The following TMEM163 variants were observed in gnomAD, a reference collection of about 807,000 sequenced individuals.
TMEM163 encodes the protein transmembrane protein 163.
A neutral mutation model predicts 29.3 loss-of-function variants in TMEM163; 17 were observed. The ratio of observed to expected loss-of-function variants is 0.58; its 90% confidence interval spans 0.40 to 0.87. TMEM163 has a LOEUF of 0.87. Among genes scored for constraint, TMEM163 ranks in the 40% least tolerant of loss-of-function variants. The pLI is 0.00. For missense variants in TMEM163, 303 were observed against 381.5 expected (o/e 0.79, Z 1.71); for synonymous variants, 157 against 160.6 (o/e 0.98, Z 0.17).
intron 2 of TMEM163, among the ~76,000 whole-genome samples, chr2:134,579,794 G>A (rs1574253448): frequency 6.6e-6 from 1 of 152,172 alleles, no homozygotes; most frequent in African/African-American, 2.4e-5. Flanking sequence ...ACAAAGTTGT[G>A]AAAATTAAAA....
At chr2:134,459,824 G>A (rs1451121001) in intron 6 of TMEM163, among the ~76,000 whole-genome samples, 1 of 150,670 alleles carries the variant, frequency 6.6e-6, no homozygotes, top group Non-Finnish European at 1.5e-5. Context: ...TCTGTCCTCT[G>A]AGCTGGCCCT....
At chr2:134,695,086 A>T (rs929700092) in intron 2 of TMEM163, among the ~76,000 whole-genome samples, 3 of 151,908 alleles carry the variant, frequency 2.0e-5, no homozygotes, top group Admixed American at 6.6e-5. Flanking sequence ...GGAAAAAAAA[A>T]TTTTTTTTGA....
At chr2:134,710,979 A>G (rs1211948483) in intron 2 of TMEM163, among the ~76,000 whole-genome samples, 1 of 152,182 alleles carries the variant, frequency 6.6e-6, no homozygotes, top group Non-Finnish European at 1.5e-5. Flanking sequence ...CGTTTCATCC[A>G]TCTGTTAACT....
chr2:134,696,141 C>T (rs1318122465), intron 2 of TMEM163, among the ~76,000 whole-genome samples: 1 of 151,540 alleles, frequency 6.6e-6, no homozygotes, highest in Non-Finnish European at 1.5e-5. Flanking sequence ...GTGGGAGGTA[C>T]AAACTTATTT....
At chr2:134,533,401 A>G (rs1680457371) in intron 4 of TMEM163, among the ~76,000 whole-genome samples, 1 of 152,212 alleles carries the variant, frequency 6.6e-6, no homozygotes, top group Non-Finnish European at 1.5e-5. Flanking sequence ...TGTGCATCAC[A>G]CTTTATTTGC....
chr2:134,518,652 G>A (rs1404070061), intron 4 of TMEM163, among the ~76,000 whole-genome samples: 1 of 152,080 alleles, frequency 6.6e-6, no homozygotes, highest in Non-Finnish European at 1.5e-5. Context: ...GTACTTTCTA[G>A]CACGGTCCCA....
chr2:134,595,055 T>C (rs1193433187), intron 2 of TMEM163, among the ~76,000 whole-genome samples: 1 of 152,070 alleles, frequency 6.6e-6, no homozygotes, highest in Non-Finnish European at 1.5e-5. Flanking sequence ...TGCAAGTGTA[T>C]GATCAATTAT....
chr2:134,673,074 C>T (rs1188435889), intron 2 of TMEM163, among the ~76,000 whole-genome samples: 2 of 152,152 alleles, frequency 1.3e-5, no homozygotes, highest in Non-Finnish European at 2.9e-5. Flanking sequence ...GGCTCATAAA[C>T]CCCATTGTTA....
At chr2:134,509,423 C>A (rs986076880) in intron 4 of TMEM163, among the ~76,000 whole-genome samples, 1 of 152,208 alleles carries the variant, frequency 6.6e-6, no homozygotes, top group African/African-American at 2.4e-5. Context: ...TATGTGAAGG[C>A]ACATCAGGCC....
intron 4 of TMEM163, among the ~76,000 whole-genome samples, chr2:134,543,025 T>C (rs1574223155): frequency 6.6e-6 from 1 of 152,364 alleles, no homozygotes; most frequent in Non-Finnish European, 1.5e-5. Flanking sequence ...TTCACTTGTT[T>C]ACATCTGCAA....
At chr2:134,600,191 A>G (rs890841751) in intron 2 of TMEM163, among the ~76,000 whole-genome samples, 3 of 152,242 alleles carry the variant, frequency 2.0e-5, no homozygotes, top group Non-Finnish European at 4.4e-5. Flanking sequence ...GCTCAGTGAC[A>G]TGAGGTCTAT....
Position 134,718,773 on chromosome 2 carries a change from T to C in TMEM163, c.163A>G (p.Ser55Gly). The C allele has an allele frequency of 5.2e-6, 6 of 1,153,368 alleles. No individual in the cohort carries two copies. The highest frequency in any genetic ancestry group is 6.4e-6 in the Non-Finnish European group (6 of 937,780). 71.4% of individuals were successfully genotyped at this position (1,153,368 alleles called of 1,614,324 possible). The change falls in exon 1 of 8, where the codon AGC (serine) becomes GGC (glycine). Residue 55 changes from serine (S) to glycine (G), a missense_variant. By Grantham distance (56) the Ser-to-Gly change is moderately conservative. Transcript: ENST00000281924. ...CCGTCGCTGAACTGGCCGCTCTCGC[T>C]GATCCGCACCTGCCGCTCCTCCTCC... ...QLEEERQVRI[S>G]ESGQFSDGLE...
In TMEM163 at chr2:134,456,545, A is replaced by T. The variant is rs1185781878; in HGVS notation, c.*171T>A. 13 of 701,224 alleles carry T rather than the reference A, an allele frequency of 1.9e-5. No homozygotes were observed. Among genetic ancestry groups the T allele is most frequent in the Non-Finnish European group, 3.0e-5 (12 of 406,140 alleles). 43.4% of individuals were successfully genotyped at this position (701,224 alleles called of 1,614,324 possible). On this transcript the variant is annotated 3_prime_UTR_variant, in exon 8 of 8. Coordinates refer to ENST00000281924, the MANE Select transcript of TMEM163 (RefSeq NM_030923.5). The stretch of plus-strand genomic sequence containing the variant: ...TCCCAACATGTTTGATGGGGGCGGC[A>T]GGTGATGGGGGCAAGGTAGATCCAC...
intron 2 of TMEM163, among the ~76,000 whole-genome samples, chr2:134,614,011 A>G (rs1212926297): frequency 6.6e-6 from 1 of 152,158 alleles, no homozygotes; most frequent in African/African-American, 2.4e-5. Flanking sequence ...AAATGTCCCA[A>G]TAGCCAAAAC....
chr2:134,463,103 C>T (rs748980425), intron 6 of TMEM163, among the ~76,000 whole-genome samples: 8 of 152,254 alleles, frequency 5.3e-5, no homozygotes, highest in Non-Finnish European at 1.0e-4. Flanking sequence ...GCCCTTCCCT[C>T]CTGTTCCAGG....
At chr2:134,697,975 A>G (rs1684617666) in intron 2 of TMEM163, among the ~76,000 whole-genome samples, 2 of 152,206 alleles carry the variant, frequency 1.3e-5, no homozygotes, top group African/African-American at 2.4e-5. Context: ...AATGGAGTGC[A>G]TGAGATTGGG....
rs112190600 is a variant in TMEM163 at position 134,711,808 on chromosome 2, C to A, written c.322+1392G>T. On this transcript the variant is annotated intron_variant, in intron 2 of 7. Coordinates refer to ENST00000281924, the MANE Select transcript of TMEM163 (RefSeq NM_030923.5). ...ATTCAGGTCCTCATTCAAACATCCA[C>A]GTGACAAATCAAAACAGCTTTATCA... 3.3e-5 allele frequency among the ~76,000 whole-genome samples: 5 copies of A among 152,294 alleles called. No individual in the cohort carries two copies. In the South Asian group the frequency reaches 6.2e-4, roughly 19 times the overall value.
intron 2 of TMEM163, among the ~76,000 whole-genome samples, chr2:134,668,606 CAA>C (rs1683921048): frequency 7.1e-6 from 1 of 139,898 alleles, no homozygotes; most frequent in African/African-American, 2.7e-5. Context: ...GGCTGGGTGA[CAA>C]GAGGGAAACT....
chr2:134,681,366 C>A (rs1380024850), intron 2 of TMEM163, among the ~76,000 whole-genome samples: 4 of 152,178 alleles, frequency 2.6e-5, no homozygotes, highest in Non-Finnish European at 5.9e-5. Flanking sequence ...TCCAGCTCAG[C>A]CTCACAGCTC....
Sources: allele counts gnomAD v4.1 joint callset (sites outside exome capture counted in the v4.1 genomes callset), GRCh38; gene constraint gnomAD v4.1.1; transcripts MANE v1.5; gene names NCBI Gene and HGNC (gene_info 2026-07-23, HGNC 2026-07-21).